The following USP4 variants were observed in gnomAD, a reference collection of about 807,000 sequenced individuals.
USP4 encodes ubiquitin specific peptidase 4.
A neutral mutation model predicts 118.2 loss-of-function variants in USP4; 72 were observed. That is an observed-to-expected ratio of 0.61 (90% confidence interval 0.50 to 0.74). The LOEUF (loss-of-function observed/expected upper bound fraction) is 0.74, where lower values mean the gene tolerates loss of function less well. Ranked by LOEUF, USP4 falls within the 30% of genes least tolerant of loss-of-function variation. The pLI, the probability that USP4 is intolerant of heterozygous loss-of-function variation, is 0.00. For missense variants in USP4, 1,037 were observed against 1,185.7 expected (o/e 0.87, Z 1.84); for synonymous variants, 415 against 440.4 (o/e 0.94, Z 0.72).
At chr3:49,300,352 C>A in intron 11 of USP4, 115 bp downstream of exon 11, 1 of 886,164 alleles carries the variant, frequency 1.1e-6, no homozygotes, top group East Asian at 2.5e-5. Flanking sequence ...GGGCCCATAC[C>A]CAGGCAAGTA....
Position 49,302,530 on chromosome 3 carries a change from G to A in USP4, c.1141C>T (p.Arg381Cys), listed in dbSNP as rs144602270. The A allele has an allele frequency of 9.9e-6, 16 of 1,613,768 alleles. No homozygotes were observed. Among genetic ancestry groups the A allele is most frequent in the African/African-American group, 1.3e-5 (1 of 74,994 alleles). ...APRMFKTQVG[R>C]FAPQFSGYQQ... ...TAGCCAGAAAATTGAGGAGCAAAAC[G>A]TCCTACTTGAGTCTACAACAAAAGC... is the stretch of plus-strand genomic sequence containing the variant. The change falls in exon 10 of 22, where the codon CGT becomes TGT. Residue 381 changes from arginine (R) to cysteine (C), a missense_variant. Physicochemically the swap from Arg to Cys is radical, Grantham distance 180 (BLOSUM62 -3). This residue lies in a region of USP4 where 487 missense variants were observed against 534.1 expected (regional missense o/e 0.91). Coordinates refer to ENST00000265560, the MANE Select transcript of USP4 (RefSeq NM_003363.4).
chr3:49,278,843 C>G lies in USP4; in HGVS notation c.2704G>C (p.Val902Leu), dbSNP rs778327690. The G allele has an allele frequency of 6.2e-7, 1 of 1,612,956 alleles. No homozygotes were observed. Among genetic ancestry groups the G allele is most frequent in the African/African-American group, 1.3e-5 (1 of 74,886 alleles). ...ATCTGATCCTCAGAGGCCAGGGACA[C>G]GTTGCTATCATCAAAGTAATACCAT... is the stretch of plus-strand genomic sequence containing the variant. ...GKWYYFDDSNVSLASEDQIVT... is the reference protein window; with the variant it reads ...GKWYYFDDSNLSLASEDQIVT... The change falls in exon 21 of 22, where the codon GTG becomes CTG. Residue 902 changes from valine to leucine, a missense_variant. Transcript: ENST00000265560.
At position 49,302,543 on chromosome 3, in the gene USP4, C is replaced by T. The variant is rs1382225316; in HGVS notation, c.1129-1G>A. On this transcript the variant is annotated splice_acceptor_variant, in intron 9 of 21. Transcript: ENST00000265560. LOFTEE classifies it high-confidence loss of function. ...GAGGAGCAAAACGTCCTACTTGAGT[C>T]TACAACAAAAGCAACTGTATCAGAA... is the stretch of plus-strand genomic sequence containing the variant. 2 of 1,612,144 alleles carry T rather than the reference C, an allele frequency of 1.2e-6. No homozygotes were observed. Among genetic ancestry groups the T allele is most frequent in the Non-Finnish European group, 1.7e-6 (2 of 1,179,366 alleles).
Position 49,284,539 on chromosome 3 carries a change from T to G in USP4, c.2317A>C (p.Lys773Gln). The stretch of plus-strand genomic sequence containing the variant: ...CAGTCTCTCAGGGCCACTGTGGTCT[T>G]CTTCTTCTTCTGAGGCTGCAACATG... The part of the protein sequence containing the change: ...VSMLQPQKKK[K>Q]TTVALRDCIE... The change falls in exon 18 of 22, where the codon AAG (lysine) becomes CAG (glutamine). Residue 773 changes from lysine to glutamine, a missense_variant. By Grantham distance (53) the Lys-to-Gln change is moderately conservative. Around this residue, in one of 3 missense-constraint regions of USP4, gnomAD observed 522 missense variants for 592.6 expected, o/e 0.88. Transcript: ENST00000265560. 6.2e-7 allele frequency: 1 copy of G among 1,613,830 alleles called. No individual in the cohort carries two copies.
chr3:49,332,146 AG>A (rs2047624214), intron 2 of USP4, among the ~76,000 whole-genome samples: 2 of 151,802 alleles, frequency 1.3e-5, no homozygotes, highest in South Asian at 4.2e-4. Flanking sequence ...GTGTGGTGGC[AG>A]GTACCTGTAA....
chr3:49,287,990 A>G (rs745311250), intron 15 of USP4, among the ~76,000 whole-genome samples: 2 of 152,178 alleles, frequency 1.3e-5, no homozygotes, highest in Non-Finnish European at 2.9e-5. Flanking sequence ...AAGGTGGTGT[A>G]AAAGTAACAG....
In USP4 at chr3:49,339,961, G is replaced by A; in HGVS notation, c.64C>T (p.Pro22Ser). ...DAETQKSELGPLMRTTLQRGA... is the reference protein window; with the variant it reads ...DAETQKSELGSLMRTTLQRGA... ...CGTTGGAGTGTGGTCCTCATTAAGG[G>A]TCCAAGCTCGGACTTCTGAGTCTCC... Residue 22 changes from proline (P) to serine (S), a missense_variant, in exon 1 of 22, where the codon CCC becomes TCC. This residue lies in a region of USP4 where 487 missense variants were observed against 534.1 expected (regional missense o/e 0.91). Transcript: ENST00000265560. 1 of 1,613,038 alleles carries A rather than the reference G, an allele frequency of 6.2e-7. No homozygotes were observed.
chr3:49,339,987 G>T lies in USP4; in HGVS notation c.38C>A (p.Ala13Glu), dbSNP rs763800427. ...EGGGCRERPDAETQKSELGPL... is the reference protein window; with the variant it reads ...EGGGCRERPDEETQKSELGPL... ...TCCAAGCTCGGACTTCTGAGTCTCCGCATCCGGTCGCTCACGGCAGCCTCC... is the reference window on the plus strand; with the variant it reads ...TCCAAGCTCGGACTTCTGAGTCTCCTCATCCGGTCGCTCACGGCAGCCTCC... Residue 13 changes from alanine (A) to glutamate (E), a missense_variant, in exon 1 of 22, where the codon GCG (alanine) becomes GAG (glutamate). Physicochemically the swap from Ala to Glu is moderately radical, Grantham distance 107. Coordinates refer to ENST00000265560, the MANE Select transcript of USP4 (RefSeq NM_003363.4). The T allele has an allele frequency of 6.2e-7, 1 of 1,611,478 alleles. No homozygotes were observed. The highest frequency in any genetic ancestry group is 1.7e-5 in the Admixed American group (1 of 60,018).
intron 1 of USP4, among the ~76,000 whole-genome samples, chr3:49,337,517 A>G (rs1231433378): frequency 6.6e-6 from 1 of 151,844 alleles, no homozygotes; most frequent in Non-Finnish European, 1.5e-5. Flanking sequence ...GTAGCCTCAA[A>G]CTCCTGGGCT....
intron 20 of USP4, 198 bp from the exon 21 acceptor site, chr3:49,279,100 G>A: frequency 2.8e-6 from 1 of 360,210 alleles, no homozygotes; most frequent in Non-Finnish European, 5.0e-6. Flanking sequence ...AGGATCAAAA[G>A]GCTAAAAATG....
At chr3:49,326,601 TG>T (rs777856517) in intron 3 of USP4, among the ~76,000 whole-genome samples, 81 of 151,728 alleles carry the variant, frequency 5.3e-4, no homozygotes, top group Middle Eastern at 6.8e-3. Flanking sequence ...TTCACCATGT[TG>T]GCCAGGATGG....
At chr3:49,317,335 A>G (rs1341507974) in intron 6 of USP4, 1 of 1,296,424 alleles carries the variant, frequency 7.7e-7, no homozygotes, top group Non-Finnish European at 1.1e-6. Context: ...CTCATTCTGC[A>G]GCCGCTGTTT....
intron 13 of USP4, 30 bp from the exon 14 acceptor site, chr3:49,294,628 A>C: frequency 6.2e-7 from 1 of 1,601,248 alleles, no homozygotes; most frequent in Non-Finnish European, 8.5e-7. Context: ...GGGCACTTTT[A>C]GCAGTAGGTC....
At chr3:49,304,558 T>C (rs887091209) in intron 9 of USP4, among the ~76,000 whole-genome samples, 5 of 152,086 alleles carry the variant, frequency 3.3e-5, no homozygotes, top group South Asian at 2.1e-4. Context: ...TCAGAGAACC[T>C]GGAAACAGCC....
At chr3:49,282,153 T>C (rs1294319588) in intron 19 of USP4, among the ~76,000 whole-genome samples, 1 of 152,196 alleles carries the variant, frequency 6.6e-6, no homozygotes, top group African/African-American at 2.4e-5. Context: ...TATGCAGAAA[T>C]GGCTGTTCTT....
intron 2 of USP4, among the ~76,000 whole-genome samples, chr3:49,333,275 A>G (rs995030946): frequency 1.3e-5 from 2 of 150,802 alleles, no homozygotes. Context: ...ACATGACAAA[A>G]CTCCATCTCT....
At position 49,325,864 on chromosome 3, in the gene USP4, G is replaced by C; in HGVS notation, c.361-19C>G. 1 of 1,612,496 alleles carries C rather than the reference G, an allele frequency of 6.2e-7. No homozygotes were observed. ...CCACAACCTATGAACAAGAGGCAGG[G>C]GTGAGGGCATAGCGGTTTTGCAGCT... On this transcript the variant is annotated intron_variant, in intron 3 of 21. Transcript: ENST00000265560.
At chr3:49,280,332 C>T (rs151294560) in intron 20 of USP4, among the ~76,000 whole-genome samples, 3,627 of 151,552 alleles carry the variant, frequency 0.024, 155 homozygotes, top group African/African-American at 0.083. Context: ...GAGGCCGAGG[C>T]GGGCGGATCA....
intron 6 of USP4, 123 bp from the exon 7 acceptor site, chr3:49,311,777 A>C (rs2047385413): frequency 2.0e-5 from 28 of 1,425,954 alleles, no homozygotes; most frequent in Non-Finnish European, 2.6e-5. Flanking sequence ...AATTACAAAA[A>C]GCCTGTATTC....
Sources: allele counts gnomAD v4.1 joint callset (sites outside exome capture counted in the v4.1 genomes callset), GRCh38; gene constraint gnomAD v4.1.1; regional missense constraint gnomAD v4.1.1; transcripts MANE v1.5; gene names NCBI Gene and HGNC (gene_info 2026-07-23, HGNC 2026-07-21).